SNTA1: variants seen among roughly 807,000 people sequenced by gnomAD.
The protein encoded by SNTA1 is syntrophin alpha 1.
SNTA1 carries 31 observed loss-of-function variants against 47.1 expected under a neutral mutation model. That is an observed-to-expected ratio of 0.66 (90% CI 0.49 to 0.89). SNTA1 has a LOEUF of 0.89. Ranked by LOEUF, SNTA1 falls within the 40% of genes least tolerant of loss-of-function variation. The probability of loss-of-function intolerance (pLI) is 0.00; values close to 1 mark genes in which losing one functional copy is unlikely to be tolerated. For synonymous variants in SNTA1, 300 were observed against 313.6 expected (o/e 0.96, Z 0.46); for missense variants, 575 against 693.0 (o/e 0.83, Z 1.91).
At chr20:33,422,142 G>A (rs1271448525) in intron 2 of SNTA1, among the ~76,000 whole-genome samples, 1 of 151,300 alleles carries the variant, frequency 6.6e-6, no homozygotes, top group East Asian at 2.0e-4. Flanking sequence ...CACAAAACTG[G>A]GAACTCCTAA....
chr20:33,409,532 C>G (rs1026899111), intron 6 of SNTA1, among the ~76,000 whole-genome samples: 5 of 152,164 alleles, frequency 3.3e-5, no homozygotes, highest in African/African-American at 1.2e-4. Flanking sequence ...GCAATCTCGG[C>G]TCACCACAAC....
chr20:33,442,946 C>T (rs556805496), intron 1 of SNTA1, among the ~76,000 whole-genome samples: 38 of 152,210 alleles, frequency 2.5e-4, no homozygotes, highest in African/African-American at 8.7e-4. Flanking sequence ...CCCTGTCCCA[C>T]TGGTGTCCCG....
chr20:33,439,025 G>T lies in SNTA1; in HGVS notation c.312C>A (p.Gly104=), dbSNP rs533476140. The T allele has an allele frequency of 3.5e-5, 56 of 1,613,710 alleles. No individual in the cohort carries two copies. Among genetic ancestry groups the T allele is most frequent in the Non-Finnish European group, 4.5e-5 (53 of 1,179,730 alleles). ...GAATAGGCATCTTGTTCTCCCGGCC[G>T]CCTGCACAGGTACAGAAGGAGGACA... is the stretch of plus-strand genomic sequence containing the variant. ...DAGGLGISIK[G]GRENKMPILI... The change falls in exon 2 of 8, where the codon GGC becomes GGA. Residue 104 remains glycine (G), a splice_region_variant and synonymous_variant. Transcript: ENST00000217381.
In SNTA1 at chr20:33,443,359, C is replaced by A; in HGVS notation, c.262G>T (p.Val88Leu). The A allele has an allele frequency of 6.8e-7, 1 of 1,465,232 alleles. No individual in the cohort carries two copies. Among genetic ancestry groups the A allele is most frequent in the Non-Finnish European group, 9.0e-7 (1 of 1,112,088 alleles). The allele number at this position is 1,465,232 out of a possible 1,614,324, so 90.8% of individuals were successfully genotyped here. ...CCGGCGTCGGCCTTGCGCACCGTCACGCGGCGCCGCTGGAGCAGTAGCGCC... is the reference window on the plus strand; with the variant it reads ...CCGGCGTCGGCCTTGCGCACCGTCAAGCGGCGCCGCTGGAGCAGTAGCGCC... The part of the protein sequence containing the change: ...PEALLLQRRR[V>L]TVRKADAGGL... The change falls in exon 1 of 8, where the codon GTG becomes TTG. Residue 88 changes from valine (V) to leucine (L), a missense_variant. Transcript: ENST00000217381.
At chr20:33,443,237 C>A in intron 1 of SNTA1, 74 bp downstream of exon 1, 1 of 1,219,706 alleles carries the variant, frequency 8.2e-7, no homozygotes, top group Non-Finnish European at 1.1e-6. Context: ...ATGTCCTGGG[C>A]GCGCTGCCAG....
intron 2 of SNTA1, among the ~76,000 whole-genome samples, chr20:33,428,324 G>A (rs531872414): frequency 7.9e-5 from 12 of 152,090 alleles, no homozygotes; most frequent in Admixed American, 3.3e-4. Flanking sequence ...TGGGAGGATC[G>A]CTTGAATCCA....
chr20:33,412,227 T>C, intron 5 of SNTA1, 69 bp downstream of exon 5: 1 of 1,545,570 alleles, frequency 6.5e-7, no homozygotes, highest in South Asian at 1.2e-5. Context: ...AGTTCCCAGC[T>C]TCTGGGGCCC....
At chr20:33,409,521 C>T (rs1160946973) in intron 6 of SNTA1, among the ~76,000 whole-genome samples, 1 of 151,924 alleles carries the variant, frequency 6.6e-6, no homozygotes, top group Admixed American at 6.6e-5. Flanking sequence ...GTGCAGTGGG[C>T]GCAATCTCGG....
chr20:33,412,247 A>G (rs746909267), intron 5 of SNTA1, 49 bp downstream of exon 5: 3 of 1,585,064 alleles, frequency 1.9e-6, no homozygotes, highest in Non-Finnish European at 2.6e-6. Context: ...CTGCTGGAGC[A>G]TCTCCTGGCA....
rs372646098 is a variant in SNTA1, at chr20:33,416,256, G to A, written c.701+1463C>T. Among the ~76,000 whole-genome samples the A allele has an allele frequency of 2.6e-5, 4 of 152,340 alleles. No individual in the cohort carries two copies. In the East Asian group the frequency reaches 7.7e-4, roughly 29 times the overall value. ...ACGTTAACCAGCCCTCCCAGCCAAT[G>A]TTGGGCATTTGCTTGGCATTGAACC... On this transcript the variant is annotated intron_variant, in intron 3 of 7. Transcript: ENST00000217381.
At chr20:33,420,367 A>G (rs751523380) in intron 2 of SNTA1, among the ~76,000 whole-genome samples, 4 of 152,206 alleles carry the variant, frequency 2.6e-5, no homozygotes, top group Non-Finnish European at 4.4e-5. Flanking sequence ...CGGGAGGATA[A>G]CACATTTTCT....
chr20:33,443,747 GC>G lies in SNTA1; in HGVS notation c.-128del. ...GGCCAGCCGCCACCCTACCCCGGCC[GC>G]TGGGGGAGGAGCTCTGGGGGCGGGG... On this transcript the variant is annotated 5_prime_UTR_variant, in exon 1 of 8. Transcript: ENST00000217381. 2 of 458,302 alleles carry G rather than the reference GC, an allele frequency of 4.4e-6. No individual in the cohort carries two copies. Among genetic ancestry groups the G allele is most frequent in the Non-Finnish European group, 3.1e-6 (1 of 320,204 alleles). The allele number at this position is 458,302 out of a possible 1,614,324, so 28.4% of individuals were successfully genotyped here. A position where few individuals can be genotyped will look rare whatever the true frequency, so the allele number is the denominator to read the frequency against.
At chr20:33,431,535 G>A (rs921310595) in intron 2 of SNTA1, among the ~76,000 whole-genome samples, 11 of 151,838 alleles carry the variant, frequency 7.2e-5, no homozygotes, top group Non-Finnish European at 1.3e-4. Flanking sequence ...ATCACCTGAG[G>A]TCAGGAGTTC....
At chr20:33,437,358 G>A (rs1018334675) in intron 2 of SNTA1, among the ~76,000 whole-genome samples, 4 of 150,674 alleles carry the variant, frequency 2.7e-5, no homozygotes, top group South Asian at 2.1e-4. Flanking sequence ...GCCCCGGGGG[G>A]TGGAGGGTGC....
intron 1 of SNTA1, among the ~76,000 whole-genome samples, chr20:33,441,797 A>T (rs544262797): frequency 1.3e-4 from 20 of 152,284 alleles, no homozygotes; most frequent in African/African-American, 4.6e-4. Context: ...CAGTGTGTCC[A>T]TCTGCAGAAT....
chr20:33,422,418 G>A lies in SNTA1; in HGVS notation c.497-4495C>T, dbSNP rs1178717228. Reference sequence around the variant, plus strand: ...CGTGCCATTGCACTCCAGCCTGGGCGACAGAGCAAGACTCTGTCTCAAAAA... The same window carrying A: ...CGTGCCATTGCACTCCAGCCTGGGCAACAGAGCAAGACTCTGTCTCAAAAA... On this transcript the variant is annotated intron_variant, in intron 2 of 7. Coordinates refer to ENST00000217381, the MANE Select transcript of SNTA1 (RefSeq NM_003098.3). Among the ~76,000 whole-genome samples, 24 of 146,916 alleles carry A rather than the reference G, an allele frequency of 1.6e-4. 1 individual carries two copies. The highest frequency in any genetic ancestry group is 4.8e-4 in the Admixed American group (7 of 14,510).
chr20:33,410,219 A>C lies in SNTA1; in HGVS notation c.1153T>G (p.Ser385Ala). ...GVDTHLFSVE[S>A]PQELAAWTRQ... ...GTCCAGGCAGCCAGCTCCTGCGGTG[A>C]CTCCACGCTGAACAGGTGAGTGTCC... is the stretch of plus-strand genomic sequence containing the variant. Residue 385 changes from serine to alanine, a missense_variant, in exon 6 of 8, where the codon TCA (serine) becomes GCA (alanine). Transcript: ENST00000217381. The C allele has an allele frequency of 6.2e-7, 1 of 1,613,978 alleles. No individual in the cohort carries two copies. The highest frequency in any genetic ancestry group is 1.1e-5 in the South Asian group (1 of 91,070).
intron 2 of SNTA1, among the ~76,000 whole-genome samples, chr20:33,428,720 G>A (rs1452921763): frequency 6.6e-6 from 1 of 151,628 alleles, no homozygotes; most frequent in Non-Finnish European, 1.5e-5. Context: ...GATTACAGGT[G>A]CACAACACTA....
At chr20:33,415,130 A>G (rs1398845422) in intron 3 of SNTA1, among the ~76,000 whole-genome samples, 1 of 28,128 alleles carries the variant, frequency 3.6e-5, no homozygotes, top group Non-Finnish European at 1.5e-4. Context: ...GCACACACAT[A>G]TGTGCATACA....
Sources: gnomAD v4.1 joint callset for allele counts (sites outside exome capture counted in the v4.1 genomes callset) on GRCh38, gnomAD v4.1.1 for gene constraint, MANE v1.5 for transcripts, NCBI Gene and HGNC (gene_info 2026-07-23, HGNC 2026-07-21) for gene names.